The following CTNNA2 variants were observed in gnomAD, a reference collection of about 807,000 sequenced individuals.
The protein encoded by CTNNA2 is catenin alpha-2.
A neutral mutation model predicts 101.0 loss-of-function variants in CTNNA2; 42 were observed. That is an observed-to-expected ratio of 0.42 (90% CI 0.32 to 0.54). The LOEUF (loss-of-function observed/expected upper bound fraction) is 0.54. CTNNA2 is among the 20% of genes least tolerant of loss of function. CTNNA2 has a pLI of 0.14. For synonymous variants in CTNNA2, 450 were observed against 456.4 expected (o/e 0.99, Z 0.18); for missense variants, 871 against 1,223.1 (o/e 0.71, Z 4.29).
intron 9 of CTNNA2, among the ~76,000 whole-genome samples, chr2:80,430,784 A>G (rs1156987926): frequency 6.6e-6 from 1 of 152,126 alleles, no homozygotes; most frequent in Non-Finnish European, 1.5e-5. Context: ...GTCTTTTGTT[A>G]TACTAATTAG....
At chr2:79,925,261 A>G (rs1427366390) in intron 7 of CTNNA2, among the ~76,000 whole-genome samples, 1 of 152,022 alleles carries the variant, frequency 6.6e-6, no homozygotes, top group Non-Finnish European at 1.5e-5. Context: ...ATGTCTTTTT[A>G]ATCCTTAGAA....
At chr2:79,235,367 T>A (rs1412431240) in intron 2 of CTNNA2, among the ~76,000 whole-genome samples, 1 of 152,170 alleles carries the variant, frequency 6.6e-6, no homozygotes, top group Non-Finnish European at 1.5e-5. Context: ...GATAGGCTCT[T>A]ACTCTGCTGC....
chr2:80,414,579 C>T (rs905160751), intron 8 of CTNNA2, among the ~76,000 whole-genome samples: 1 of 152,126 alleles, frequency 6.6e-6, no homozygotes, highest in Non-Finnish European at 1.5e-5. Context: ...AGAATACTTT[C>T]CTCCCGACCG....
intron 2 of CTNNA2, among the ~76,000 whole-genome samples, chr2:79,732,145 G>A (rs1687238274): frequency 6.6e-6 from 1 of 152,000 alleles, no homozygotes; most frequent in South Asian, 2.1e-4. Context: ...AGAGTCAGTA[G>A]TTGGGTTTTT....
At position 80,604,090 on chromosome 2, in the gene CTNNA2, A is replaced by G; in HGVS notation, c.2206A>G (p.Lys736Glu). Residue 736 changes from lysine (K) to glutamate (E), a missense_variant, in exon 16 of 19, where the codon AAA becomes GAA. This residue lies in a region of CTNNA2 where 93 missense variants were observed against 223.7 expected (regional missense o/e 0.42). Transcript: ENST00000402739. ...TDFTRGKGPL[K>E]NTSDVINAAK... is the part of the protein sequence containing the mutation. ...TTGTTTCAGAGGCAAAGGCCCATTG[A>G]AAAATACATCTGATGTCATTAATGC... 6.2e-7 allele frequency: 1 copy of G among 1,612,974 alleles called. No individual in the cohort carries two copies. Among genetic ancestry groups the G allele is most frequent in the Non-Finnish European group, 8.5e-7 (1 of 1,179,354 alleles).
chr2:79,807,862 G>A (rs1034883009), intron 3 of CTNNA2, among the ~76,000 whole-genome samples: 2 of 152,064 alleles, frequency 1.3e-5, no homozygotes, highest in Admixed American at 6.6e-5. Context: ...TATGGTAACT[G>A]GATTTCCTGT....
chr2:79,753,964 G>A (rs1672225702), intron 3 of CTNNA2, among the ~76,000 whole-genome samples: 3 of 150,226 alleles, frequency 2.0e-5, no homozygotes, highest in African/African-American at 7.4e-5. Flanking sequence ...CACCTCCTGA[G>A]TTCAAGCTAT....
At chr2:80,007,757 A>T (rs1693476458) in intron 7 of CTNNA2, among the ~76,000 whole-genome samples, 1 of 152,170 alleles carries the variant, frequency 6.6e-6, no homozygotes, top group Admixed American at 6.5e-5. Flanking sequence ...GAGAAGGGGT[A>T]AGGGGAGGTG....
chr2:80,221,928 G>C (rs1391368719), intron 7 of CTNNA2, among the ~76,000 whole-genome samples: 1 of 152,180 alleles, frequency 6.6e-6, no homozygotes, highest in Admixed American at 6.5e-5. Flanking sequence ...TTAAATTGAA[G>C]GAGTTTGGCT....
At chr2:80,134,611 G>T (rs879458261) in intron 7 of CTNNA2, among the ~76,000 whole-genome samples, 10 of 152,158 alleles carry the variant, frequency 6.6e-5, no homozygotes, top group Non-Finnish European at 1.2e-4. Flanking sequence ...ATGACTGGGT[G>T]CCTGCGCCAT....
chr2:79,665,594 T>C (rs1378993745), intron 2 of CTNNA2, among the ~76,000 whole-genome samples: 4 of 152,216 alleles, frequency 2.6e-5, no homozygotes, highest in Non-Finnish European at 5.9e-5. Context: ...AGAGCTAAGA[T>C]ACAGTTCTGG....
chr2:80,333,195 A>G (rs978090246), intron 7 of CTNNA2, among the ~76,000 whole-genome samples: 1 of 152,188 alleles, frequency 6.6e-6, no homozygotes, highest in African/African-American at 2.4e-5. Flanking sequence ...ACTAGGAATT[A>G]GTTACTAAAG....
chr2:80,471,492 A>G (rs1685300785), intron 9 of CTNNA2, among the ~76,000 whole-genome samples: 1 of 152,198 alleles, frequency 6.6e-6, no homozygotes, highest in Admixed American at 6.5e-5. Context: ...AGTCTCTACT[A>G]AAAATATCTG....
At chr2:80,345,479 T>C (rs1017622085) in intron 7 of CTNNA2, among the ~76,000 whole-genome samples, 4 of 152,194 alleles carry the variant, frequency 2.6e-5, no homozygotes, top group Non-Finnish European at 5.9e-5. Flanking sequence ...TATCTCTGCT[T>C]TATTTTCTCG....
At chr2:80,064,196 A>C (rs1697811078) in intron 7 of CTNNA2, among the ~76,000 whole-genome samples, 1 of 152,198 alleles carries the variant, frequency 6.6e-6, no homozygotes, top group Non-Finnish European at 1.5e-5. Context: ...CTTCAGTAGA[A>C]TGTGAGGGCT....
chr2:80,381,803 A>T (rs1043514377), intron 7 of CTNNA2, among the ~76,000 whole-genome samples: 4 of 152,160 alleles, frequency 2.6e-5, no homozygotes, highest in Non-Finnish European at 4.4e-5. Context: ...TCCTTGTTCC[A>T]TTAAGGGTTC....
intron 7 of CTNNA2, among the ~76,000 whole-genome samples, chr2:80,159,348 T>A (rs1045173024): frequency 6.6e-6 from 1 of 152,232 alleles, no homozygotes; most frequent in Non-Finnish European, 1.5e-5. Flanking sequence ...AGCTGTAACA[T>A]TTTACATTCT....
intron 7 of CTNNA2, among the ~76,000 whole-genome samples, chr2:80,344,311 A>T (rs1276820492): frequency 6.6e-6 from 1 of 151,910 alleles, no homozygotes; most frequent in Non-Finnish European, 1.5e-5. Context: ...ATTTTCGTAG[A>T]TGCACACCCA....
Position 80,298,349 on chromosome 2 carries a change from A to G in CTNNA2, c.1057-94862A>G, listed in dbSNP as rs146205605. 43 of 152,304 alleles carry G rather than the reference A, an allele frequency of 2.8e-4. No homozygotes were observed. In the East Asian group the frequency reaches 6.6e-3, roughly 23 times the overall value. 9.4% of individuals were successfully genotyped at this position (152,304 alleles called of 1,614,324 possible). On this transcript the variant is annotated intron_variant, in intron 7 of 18. Coordinates refer to ENST00000402739, the MANE Select transcript of CTNNA2 (RefSeq NM_001282597.3). Reference sequence around the variant, plus strand: ...TTTATTTTGACTACCCTGAAACATTATGACACTCTTGCTCCAAAACAGATA... The same window carrying G: ...TTTATTTTGACTACCCTGAAACATTGTGACACTCTTGCTCCAAAACAGATA...
Sources: gnomAD v4.1 joint callset for allele counts (sites outside exome capture counted in the v4.1 genomes callset) on GRCh38, gnomAD v4.1.1 for gene constraint, gnomAD v4.1.1 regional missense constraint, MANE v1.5 for transcripts, NCBI Gene and HGNC (gene_info 2026-07-23, HGNC 2026-07-21) for gene names.